Variants in DCC observed in about 807,000 individuals in gnomAD.
DCC encodes the protein DCC netrin 1 receptor, also known as netrin receptor DCC.
DCC carries 58 observed loss-of-function variants against 172.5 expected under a neutral mutation model. The ratio of observed to expected loss-of-function variants is 0.34; its 90% CI spans 0.27 to 0.42. DCC has a LOEUF of 0.42. Among genes scored for constraint, DCC ranks in the 10% least tolerant of loss-of-function variants. The probability of loss-of-function intolerance (pLI) is 1.00; values close to 1 mark genes in which losing one functional copy is unlikely to be tolerated. For missense variants in DCC, 1,740 were observed against 1,791.0 expected (o/e 0.97, Z 0.51); for synonymous variants, 709 against 644.5 (o/e 1.10, Z -1.52).
Position 52,843,610 on chromosome 18 carries a change from A to G in DCC, c.413-62434A>G, listed in dbSNP as rs189436506. 3.3e-5 allele frequency among the ~76,000 whole-genome samples: 5 copies of G among 152,326 alleles called. No individual in the cohort carries two copies. In the East Asian group the frequency reaches 9.6e-4, roughly 29 times the overall value. On this transcript the variant is annotated intron_variant, in intron 2 of 28. Transcript: ENST00000442544. ...CTTAAACCCCGTTGTTTCCTTTCAA[A>G]CATAATTTTGTATTTTTCCTTTACA...
chr18:53,502,402 A>G (rs1294057379), intron 27 of DCC, among the ~76,000 whole-genome samples: 1 of 152,166 alleles, frequency 6.6e-6, no homozygotes, highest in Admixed American at 6.6e-5. Flanking sequence ...CTCCTGACAC[A>G]TGGTAAATAG....
chr18:53,360,042 G>A (rs958070194), intron 15 of DCC, among the ~76,000 whole-genome samples: 3 of 151,968 alleles, frequency 2.0e-5, no homozygotes, highest in Admixed American at 6.6e-5. Context: ...GGGCCAGATA[G>A]TTAAGATTTA....
chr18:52,694,443 G>T (rs540533601), intron 1 of DCC, among the ~76,000 whole-genome samples: 3 of 152,172 alleles, frequency 2.0e-5, no homozygotes, highest in Admixed American at 2.0e-4. Context: ...AAAGGAAGGT[G>T]TTGGTCCAAA....
At chr18:53,263,213 G>A (rs932446325) in intron 12 of DCC, among the ~76,000 whole-genome samples, 2 of 152,186 alleles carry the variant, frequency 1.3e-5, no homozygotes, top group Non-Finnish European at 2.9e-5. Flanking sequence ...GTGCAGTGGT[G>A]TGATCTCAGC....
intron 2 of DCC, among the ~76,000 whole-genome samples, chr18:52,870,581 A>C (rs1342899657): frequency 6.6e-6 from 1 of 152,186 alleles, no homozygotes; most frequent in East Asian, 1.9e-4. Flanking sequence ...CTTGCAGATA[A>C]GATCACTGTT....
intron 1 of DCC, among the ~76,000 whole-genome samples, chr18:52,397,513 TC>T (rs894900772): frequency 6.6e-6 from 1 of 151,972 alleles, no homozygotes; most frequent in African/African-American, 2.4e-5. Flanking sequence ...ATTCCTAGGG[TC>T]CCATCAGCTA....
rs1211572320 is a variant in DCC at position 52,790,492 on chromosome 18, T to G, written c.412+38118T>G. Among the ~76,000 whole-genome samples the G allele has an allele frequency of 2.0e-5, 3 of 152,310 alleles. No individual in the cohort carries two copies. In the East Asian group the frequency reaches 5.8e-4, roughly 29 times the overall value. ...CTACCCTTTTGCTGGCATGTCAGGC[T>G]TCTGGGTTCCCTTCCCCCTAGCTCA... On this transcript the variant is annotated intron_variant, in intron 2 of 28. Transcript: ENST00000442544.
intron 2 of DCC, among the ~76,000 whole-genome samples, chr18:52,814,969 TGTG>T (rs1449812392): frequency 2.0e-5 from 3 of 152,122 alleles, no homozygotes; most frequent in Non-Finnish European, 2.9e-5. Context: ...GTCATTCAAA[TGTG>T]GTGACTCATT....
chr18:52,811,130 A>T (rs2038189840), intron 2 of DCC, among the ~76,000 whole-genome samples: 1 of 152,178 alleles, frequency 6.6e-6, no homozygotes, highest in Non-Finnish European at 1.5e-5. Context: ...TTAAAAAAAC[A>T]AAAAACAACA....
At chr18:53,003,780 A>G (rs1448522197) in intron 5 of DCC, among the ~76,000 whole-genome samples, 1 of 152,068 alleles carries the variant, frequency 6.6e-6, no homozygotes, top group African/African-American at 2.4e-5. Flanking sequence ...AATATCACAG[A>G]CATACCATAC....
At chr18:52,754,801 C>T (rs939705017) in intron 2 of DCC, among the ~76,000 whole-genome samples, 8 of 152,192 alleles carry the variant, frequency 5.3e-5, no homozygotes, top group African/African-American at 1.2e-4. Flanking sequence ...GGGAAGCCAC[C>T]TCAGTGCCAG....
chr18:53,064,381 ACAG>A (rs1451812264), intron 6 of DCC, among the ~76,000 whole-genome samples: 2 of 152,180 alleles, frequency 1.3e-5, no homozygotes, highest in East Asian at 1.9e-4. Context: ...ACTTGCAGCT[ACAG>A]AAGAGGGTTT....
intron 8 of DCC, among the ~76,000 whole-genome samples, chr18:53,175,665 A>G (rs1038583422): frequency 7.2e-5 from 11 of 152,046 alleles, no homozygotes; most frequent in African/African-American, 2.2e-4. Context: ...CCACTGCTCA[A>G]TGAAATCAAA....
At position 53,499,616 on chromosome 18, in the gene DCC, T is replaced by A. The variant is rs2046071951; in HGVS notation, c.4111+106T>A. On this transcript the variant is annotated intron_variant, in intron 27 of 28. Transcript: ENST00000442544. The stretch of plus-strand genomic sequence containing the variant: ...GCCTAGATGTCATATATCTTTTCAA[T>A]GCTGATTACATGCCCAGTGTGCTCA... 3.2e-6 allele frequency: 3 copies of A among 937,502 alleles called. No homozygotes were observed. The African/African-American group carries it at 4.8e-5, about 15-fold the overall frequency. The allele number at this position is 937,502 out of a possible 1,614,324, so 58.1% of individuals were successfully genotyped here.
At chr18:52,374,228 C>T (rs1196536464) in intron 1 of DCC, among the ~76,000 whole-genome samples, 1 of 152,070 alleles carries the variant, frequency 6.6e-6, no homozygotes, top group East Asian at 1.9e-4. Flanking sequence ...TACAAACTTG[C>T]AGAGTTCACT....
In DCC at chr18:53,535,844, A is replaced by G. The variant is rs1269478540; in HGVS notation, c.*5191A>G. On this transcript the variant is annotated 3_prime_UTR_variant, in exon 29 of 29. Transcript: ENST00000442544. ...AACAGTCTCATATTCATTTTTTTAT[A>G]GAAATGTTATTCCAATGGTGCATTT... 6.6e-6 allele frequency: 1 copy of G among 152,222 alleles called. No individual in the cohort carries two copies. The highest frequency in any genetic ancestry group is 2.4e-5 in the African/African-American group (1 of 41,454). The allele number at this position is 152,222 out of a possible 1,614,324, so 9.4% of individuals were successfully genotyped here.
At chr18:53,366,337 C>G (rs1414069476) in intron 15 of DCC, among the ~76,000 whole-genome samples, 1 of 152,116 alleles carries the variant, frequency 6.6e-6, no homozygotes, top group African/African-American at 2.4e-5. Flanking sequence ...TGTGAGCCAC[C>G]ACACCCAGCC....
At chr18:52,617,136 G>A (rs569524754) in intron 1 of DCC, among the ~76,000 whole-genome samples, 1 of 152,296 alleles carries the variant, frequency 6.6e-6, no homozygotes, top group African/African-American at 2.4e-5. Flanking sequence ...TGGTGAAACA[G>A]ATTAGAGGCT....
At chr18:52,674,049 T>C (rs975875078) in intron 1 of DCC, among the ~76,000 whole-genome samples, 1 of 152,186 alleles carries the variant, frequency 6.6e-6, no homozygotes, top group African/African-American at 2.4e-5. Flanking sequence ...CAAGCCTTGC[T>C]TGTTTCACAC....
Sources: gnomAD v4.1 joint callset for allele counts (sites outside exome capture counted in the v4.1 genomes callset) on GRCh38, gnomAD v4.1.1 for gene constraint, MANE v1.5 for transcripts, NCBI Gene and HGNC (gene_info 2026-07-23, HGNC 2026-07-21) for gene names.